AFAP1: variants seen among roughly 807,000 people sequenced by gnomAD.
AFAP1 encodes actin filament associated protein 1.
Under a neutral mutation model 93.9 loss-of-function variants are expected in AFAP1, and 75 were observed. The observed-to-expected ratio is 0.80, with a 90% CI of 0.66 to 0.97. The LOEUF (loss-of-function observed/expected upper bound fraction) is 0.97. Ranked by LOEUF, AFAP1 falls within the 50% of genes least tolerant of loss-of-function variation. The pLI, the probability that AFAP1 is intolerant of heterozygous loss-of-function variation, is 0.00. For synonymous variants in AFAP1, 517 were observed against 430.7 expected, an observed-to-expected ratio of 1.20 and a Z score of -2.48; for missense variants, 1,201 against 1,050.8, an observed-to-expected ratio of 1.14 and a Z score of -1.98.
intron 1 of AFAP1, among the ~76,000 whole-genome samples, chr4:7,881,613 T>C (rs527435954): frequency 7.9e-5 from 12 of 152,060 alleles, no homozygotes; most frequent in Non-Finnish European, 1.2e-4. Context: ...CGAAACTCCA[T>C]CTCTACTAAA....
In AFAP1 at chr4:7,763,025, T is replaced by C. The variant is rs1714032199; in HGVS notation, c.*740A>G. The C allele has an allele frequency of 2.0e-5, 3 of 148,752 alleles. No individual in the cohort carries two copies. Among genetic ancestry groups the C allele is most frequent in the African/African-American group, 7.8e-5 (3 of 38,578 alleles). The allele number at this position is 148,752 out of a possible 1,614,324, so 9.2% of individuals were successfully genotyped here. ...TACCTGTCAAAAGCAGCACAAATAA[T>C]TAATTAATAAAATAAGGAACCTCTG... On this transcript the variant is annotated 3_prime_UTR_variant, in exon 18 of 18. Coordinates refer to ENST00000420658, the MANE Select transcript of AFAP1 (RefSeq NM_001134647.2).
intron 6 of AFAP1, among the ~76,000 whole-genome samples, chr4:7,834,254 T>C (rs2149098445): frequency 6.6e-6 from 1 of 152,302 alleles, no homozygotes; most frequent in East Asian, 1.9e-4. Flanking sequence ...CCAAACATTG[T>C]ATGTTCTCAC....
chr4:7,916,627 G>C (rs1720099018), intron 1 of AFAP1, among the ~76,000 whole-genome samples: 1 of 152,174 alleles, frequency 6.6e-6, no homozygotes, highest in African/African-American at 2.4e-5. Context: ...AGTGGGAAGG[G>C]TGGGCATAGC....
At chr4:7,817,765 T>TAAAA (rs10623745) in intron 7 of AFAP1, among the ~76,000 whole-genome samples, 5 of 146,118 alleles carry the variant, frequency 3.4e-5, no homozygotes, top group Admixed American at 6.8e-5. Flanking sequence ...AAAGGTTAAG[T>TAAAA]AAAAAAAAAA....
chr4:7,876,971 A>C (rs1560215895), intron 1 of AFAP1, among the ~76,000 whole-genome samples: 1 of 151,764 alleles, frequency 6.6e-6, no homozygotes, highest in Non-Finnish European at 1.5e-5. Context: ...TCTTTCTTCC[A>C]GCCTTCCAGC....
At chr4:7,829,848 G>T (rs1378665473) in intron 6 of AFAP1, among the ~76,000 whole-genome samples, 3 of 152,150 alleles carry the variant, frequency 2.0e-5, no homozygotes, top group Non-Finnish European at 4.4e-5. Flanking sequence ...TAACCTTCAT[G>T]GAAGTGATTA....
intron 1 of AFAP1, among the ~76,000 whole-genome samples, chr4:7,914,876 T>C (rs1719994217): frequency 6.6e-6 from 1 of 152,044 alleles, no homozygotes; most frequent in Non-Finnish European, 1.5e-5. Context: ...GCCTCCCAAG[T>C]AGCTGGGATT....
intron 3 of AFAP1, among the ~76,000 whole-genome samples, chr4:7,856,803 T>C (rs1251661054): frequency 6.6e-6 from 1 of 152,142 alleles, no homozygotes; most frequent in African/African-American, 2.4e-5. Context: ...GGTGGCTGAG[T>C]GGCAGGAAAG....
intron 9 of AFAP1, among the ~76,000 whole-genome samples, chr4:7,806,483 T>C (rs889828868): frequency 4.6e-5 from 7 of 152,106 alleles, no homozygotes; most frequent in African/African-American, 1.7e-4. Flanking sequence ...GGGAGCTCTG[T>C]CCTATGGGCT....
intron 8 of AFAP1, among the ~76,000 whole-genome samples, chr4:7,815,016 G>A (rs1720351981): frequency 6.6e-6 from 1 of 152,218 alleles, no homozygotes; most frequent in Non-Finnish European, 1.5e-5. Flanking sequence ...AGTGTTCATC[G>A]ACAGATAAAT....
In AFAP1 at chr4:7,888,139, A is replaced by T. The variant is rs144217685; in HGVS notation, c.-2-16059T>A. 6.8e-4 allele frequency among the ~76,000 whole-genome samples: 103 copies of T among 152,366 alleles called. 1 individual carries two copies. The Middle Eastern group carries it at 0.01, about 15-fold the overall frequency. ...ACCACGCCCAGCCCCATAAAGAACAATTATTAATTTCAGGAATGCTTTGTT... is the reference window on the plus strand; with the variant it reads ...ACCACGCCCAGCCCCATAAAGAACATTTATTAATTTCAGGAATGCTTTGTT... On this transcript the variant is annotated intron_variant, in intron 1 of 17. Coordinates refer to ENST00000420658, the MANE Select transcript of AFAP1 (RefSeq NM_001134647.2).
chr4:7,804,764 G>A (rs1034827292), intron 9 of AFAP1, among the ~76,000 whole-genome samples: 1 of 152,260 alleles, frequency 6.6e-6, no homozygotes, highest in Non-Finnish European at 1.5e-5. Flanking sequence ...TGGCCAAAAC[G>A]TTCAACACTT....
intron 4 of AFAP1, among the ~76,000 whole-genome samples, chr4:7,853,377 T>C (rs528014921): frequency 4.6e-5 from 7 of 152,136 alleles, no homozygotes; most frequent in Non-Finnish European, 1.0e-4. Context: ...CTGGGAGTGA[T>C]AGGGCAGAGG....
chr4:7,834,062 A>C (rs146232881), intron 6 of AFAP1, among the ~76,000 whole-genome samples: 29 of 149,832 alleles, frequency 1.9e-4, no homozygotes, highest in African/African-American at 5.9e-4. Flanking sequence ...AATGCCCATC[A>C]ATCAACAAGT....
rs183624032 is a variant in AFAP1, at chr4:7,799,742, C to G, written c.1266+700G>C. On this transcript the variant is annotated intron_variant, in intron 10 of 17. Transcript: ENST00000420658. ...AGGTCTAAAACTGGGTAGAAAACATCAACAGAATGTTTTCTATGATGAAAA... is the reference window on the plus strand; with the variant it reads ...AGGTCTAAAACTGGGTAGAAAACATGAACAGAATGTTTTCTATGATGAAAA... 2.6e-5 allele frequency among the ~76,000 whole-genome samples: 4 copies of G among 152,250 alleles called. No individual in the cohort carries two copies. In the East Asian group the frequency reaches 7.7e-4, roughly 29 times the overall value.
Position 7,939,713 on chromosome 4 carries a change from C to G in AFAP1, c.-60G>C, listed in dbSNP as rs1217162954. On this transcript the variant is annotated 5_prime_UTR_variant, in exon 1 of 18. Coordinates refer to ENST00000420658, the MANE Select transcript of AFAP1 (RefSeq NM_001134647.2). The surrounding 1 kb of genome is among the most constrained non-coding windows in gnomAD (Gnocchi z 5.6). ...GCCGCGGCGCCTGGGCCGACTGGAG[C>G]GCAGCTGAACAGCCGACAGAGCCGC... 7.3e-6 allele frequency: 3 copies of G among 413,244 alleles called. No individual in the cohort carries two copies. Among genetic ancestry groups the G allele is most frequent in the Non-Finnish European group, 1.4e-5 (3 of 209,262 alleles). 25.6% of individuals were successfully genotyped at this position (413,244 alleles called of 1,614,324 possible).
At chr4:7,827,569 C>CCAAAAAAAAAAAAAAA (rs1390814580) in intron 6 of AFAP1, among the ~76,000 whole-genome samples, 1 of 52,254 alleles carries the variant, frequency 1.9e-5, no homozygotes, top group African/African-American at 8.0e-5. Flanking sequence ...ACTCTGTCTC[C>CCAAAAAAAAAAAAAAA]AAAAAAAAAA....
chr4:7,806,118 C>T (rs1171981442), intron 9 of AFAP1, among the ~76,000 whole-genome samples: 1 of 152,196 alleles, frequency 6.6e-6, no homozygotes, highest in Admixed American at 6.5e-5. Context: ...AAATTTTGGT[C>T]AGGGGCCTTT....
At chr4:7,766,848 C>T (rs978617814) in intron 17 of AFAP1, among the ~76,000 whole-genome samples, 6 of 152,152 alleles carry the variant, frequency 3.9e-5, no homozygotes, top group Admixed American at 1.3e-4. Flanking sequence ...CCCTGGGGCA[C>T]GGGATTGGAA....
Sources: gnomAD v4.1 joint callset for allele counts (sites outside exome capture counted in the v4.1 genomes callset) on GRCh38, gnomAD v4.1.1 for gene constraint, Gnocchi (gnomAD v3.1) non-coding constraint, MANE v1.5 for transcripts, NCBI Gene and HGNC (gene_info 2026-07-23, HGNC 2026-07-21) for gene names.